PYHIN1: variants seen among roughly 807,000 people sequenced by gnomAD.
PYHIN1 encodes the protein pyrin and HIN domain-containing protein 1.
Under a neutral mutation model 43.7 loss-of-function variants are expected in PYHIN1, and 32 were observed. The ratio of observed to expected loss-of-function variants is 0.73; its 90% CI spans 0.55 to 0.98. The LOEUF is 0.98. Among genes scored for constraint, PYHIN1 ranks in the 50% least tolerant of loss-of-function variants. The pLI is 0.00. For synonymous variants in PYHIN1, 205 were observed against 203.1 expected (o/e 1.01, Z -0.08); for missense variants, 588 against 589.5 (o/e 1.00, Z 0.03).
chr1:158,970,946 T>C lies in PYHIN1; in HGVS notation c.1360-2701T>C, dbSNP rs749457719. Among the ~76,000 whole-genome samples the C allele has an allele frequency of 7.3e-4, 111 of 152,048 alleles. 2 individuals carry two copies. The highest frequency in any genetic ancestry group is 1.1e-3 in the Admixed American group (16 of 15,220). On this transcript the variant is annotated intron_variant, in intron 7 of 8. Transcript: ENST00000368140. ...CTCCCAAGCTAATAAAGATAATTAG[T>C]ATTAGTTGAAAGATTCATATTCAAC...
downstream of PYHIN1, among the ~76,000 whole-genome samples, chr1:158,981,372 G>A (rs1651477729): frequency 6.6e-6 from 1 of 152,114 alleles, no homozygotes; most frequent in Non-Finnish European, 1.5e-5. Flanking sequence ...TTGGGAGCCT[G>A]GGGCAGGAGA....
At chr1:158,953,836 G>A (rs1006168233) in intron 7 of PYHIN1, among the ~76,000 whole-genome samples, 108 of 151,534 alleles carry the variant, frequency 7.1e-4, no homozygotes, top group Non-Finnish European at 1.4e-3. Context: ...CAAAGGCAAA[G>A]AAGTTGAAAA....
In PYHIN1 at chr1:158,976,994, TATC is replaced by T. The variant is rs1651315858; in HGVS notation, c.*302_*304del. Reference sequence around the variant, plus strand: ...GTTTTACTTTTATGCATTTTCTTCATATCATATTTTGCATTCAGAATTTTCATA... The same window carrying T: ...GTTTTACTTTTATGCATTTTCTTCATATATTTTGCATTCAGAATTTTCATA... On this transcript the variant is annotated 3_prime_UTR_variant, in exon 9 of 9. Transcript: ENST00000368140. 5.0e-6 allele frequency: 1 copy of T among 199,712 alleles called. No homozygotes were observed. The highest frequency in any genetic ancestry group is 2.4e-5 in the African/African-American group (1 of 41,372). 12.4% of individuals were successfully genotyped at this position (199,712 alleles called of 1,614,324 possible). A position where few individuals can be genotyped will look rare whatever the true frequency, so the allele number is the denominator to read the frequency against.
intron 1 of PYHIN1, 53 bp from the exon 2 acceptor site, chr1:158,936,837 CT>C (rs1407943164): frequency 7.3e-6 from 9 of 1,234,006 alleles, no homozygotes; most frequent in Non-Finnish European, 9.9e-6. Flanking sequence ...CATACATCTT[CT>C]TTTAAATTCT....
the PYHIN1 span, among the ~76,000 whole-genome samples, chr1:158,985,474 A>G: frequency 6.6e-6 from 1 of 152,206 alleles, no homozygotes; most frequent in Admixed American, 6.5e-5. Flanking sequence ...TGCTGAATGT[A>G]GGCCTTTAAT....
At chr1:158,953,085 C>A (rs745764898) in intron 7 of PYHIN1, among the ~76,000 whole-genome samples, 20 of 152,354 alleles carry the variant, frequency 1.3e-4, no homozygotes, top group African/African-American at 2.4e-4. Context: ...TATCCTGCAC[C>A]TGGCTCCGAG....
At chr1:158,950,983 T>C (rs1029762818) in intron 7 of PYHIN1, among the ~76,000 whole-genome samples, 1 of 152,198 alleles carries the variant, frequency 6.6e-6, no homozygotes, top group African/African-American at 2.4e-5. Flanking sequence ...AGATGAGTGT[T>C]AGTATCAACG....
At chr1:158,983,837 G>A in the PYHIN1 span, among the ~76,000 whole-genome samples, 19 of 151,944 alleles carry the variant, frequency 1.3e-4, no homozygotes, top group African/African-American at 3.9e-4. Flanking sequence ...ATCTGTTTAG[G>A]TATTCAATGT....
intron 7 of PYHIN1, among the ~76,000 whole-genome samples, chr1:158,954,983 C>A (rs1185512305): frequency 6.7e-6 from 1 of 148,672 alleles, no homozygotes; most frequent in African/African-American, 2.5e-5. Flanking sequence ...TTTAAACAAA[C>A]AAAGATCAAA....
rs145640162 is a variant in PYHIN1 at position 158,976,868 on chromosome 1, C to CTATATA, written c.*216_*221dup. The CTATATA allele has an allele frequency of 1.2e-4, 27 of 221,520 alleles. No individual in the cohort carries two copies. The highest frequency in any genetic ancestry group is 7.9e-4 in the African/African-American group (27 of 34,376). The allele number at this position is 221,520 out of a possible 1,614,324, so 13.7% of individuals were successfully genotyped here. A position where few individuals can be genotyped will look rare whatever the true frequency, so the allele number is the denominator to read the frequency against. On this transcript the variant is annotated 3_prime_UTR_variant, in exon 9 of 9. Transcript: ENST00000368140. ...TATGTATATATATCTGGTTGAAATACTATATATATATATATATATATATAT... is the reference window on the plus strand; with the variant it reads ...TATGTATATATATCTGGTTGAAATACTATATATATATATATATATATATATATATAT...
intron 7 of PYHIN1, among the ~76,000 whole-genome samples, chr1:158,953,467 G>A (rs1649711870): frequency 6.7e-6 from 1 of 150,292 alleles, no homozygotes; most frequent in African/African-American, 2.5e-5. Context: ...AGCCTAACTG[G>A]GAGGCACCCC....
At chr1:158,973,064 G>A (rs567479910) in intron 7 of PYHIN1, among the ~76,000 whole-genome samples, 1 of 151,976 alleles carries the variant, frequency 6.6e-6, no homozygotes, top group Non-Finnish European at 1.5e-5. Context: ...CAGTGAACAA[G>A]AAGTCAACTT....
the PYHIN1 span, among the ~76,000 whole-genome samples, chr1:158,983,499 A>G: frequency 6.6e-6 from 1 of 152,110 alleles, no homozygotes; most frequent in East Asian, 1.9e-4. Context: ...TTACTTGATC[A>G]TGGTGGCTTA....
chr1:158,977,865 A>G (rs856126), downstream of PYHIN1, among the ~76,000 whole-genome samples: 110,644 of 152,050 alleles, frequency 0.73, 42,802 homozygotes, highest in Non-Finnish European at 0.85. Context: ...TGCTAATGTT[A>G]GGAGAACAGG....
Position 158,933,603 on chromosome 1 carries a change from C to T in PYHIN1, c.-21+1827C>T, listed in dbSNP as rs1648305245. Among the ~76,000 whole-genome samples, 1 of 151,864 alleles carries T rather than the reference C, an allele frequency of 6.6e-6. No individual in the cohort carries two copies. Among genetic ancestry groups the T allele is most frequent in the Non-Finnish European group, 1.5e-5 (1 of 67,902 alleles). ...TAAAAGTTGTCATTTAACTAGTTAA[C>T]CTCTTTATGTATAGGCTAATAATTA... On this transcript the variant is annotated intron_variant, in intron 1 of 8. Transcript: ENST00000368140. This position sits in a 1 kb window ranked among gnomAD's most constrained non-coding sequence, Gnocchi z 6.3.
At chr1:158,981,160 A>G (rs1232287075), downstream of PYHIN1, among the ~76,000 whole-genome samples, 2 of 152,192 alleles carry the variant, frequency 1.3e-5, no homozygotes, top group African/African-American at 2.4e-5. Flanking sequence ...ACCACTGTTA[A>G]TGGCCATCTA....
At position 158,942,330 on chromosome 1, in the gene PYHIN1, T is replaced by C; in HGVS notation, c.933T>C (p.Ile311=). The C allele has an allele frequency of 3.1e-6, 5 of 1,613,266 alleles. No individual in the cohort carries two copies. The highest frequency in any genetic ancestry group is 4.2e-6 in the Non-Finnish European group (5 of 1,179,724). The stretch of plus-strand genomic sequence containing the variant: ...ACATCATCAGAAGAGCAAAGAAAAT[T>C]CCGAAGATCAATATTCTTCACAAAC... ...PKDIIRRAKK[I]PKINILHKQT... is the part of the protein sequence containing the mutation. The change falls in exon 5 of 9, where the codon ATT becomes ATC. Residue 311 remains isoleucine (I), a synonymous_variant. Coordinates refer to ENST00000368140, the MANE Select transcript of PYHIN1 (RefSeq NM_152501.5).
At chr1:158,957,999 G>A (rs1650062928) in intron 7 of PYHIN1, among the ~76,000 whole-genome samples, 1 of 152,114 alleles carries the variant, frequency 6.6e-6, no homozygotes, top group South Asian at 2.1e-4. Context: ...AAAAACACAT[G>A]AAAAAATGCT....
At chr1:158,936,530 G>T (rs1375070560) in intron 1 of PYHIN1, among the ~76,000 whole-genome samples, 6 of 152,036 alleles carry the variant, frequency 3.9e-5, no homozygotes, top group Non-Finnish European at 7.4e-5. Context: ...TGGGATGCAA[G>T]GCTGGTTCAA....
Sources: allele counts gnomAD v4.1 joint callset (sites outside exome capture counted in the v4.1 genomes callset), GRCh38; gene constraint gnomAD v4.1.1; non-coding constraint Gnocchi (gnomAD v3.1); transcripts MANE v1.5; gene names NCBI Gene and HGNC (gene_info 2026-07-23, HGNC 2026-07-21).